TPH2: variants seen among roughly 807,000 people sequenced by gnomAD.
TPH2 encodes the protein tryptophan 5-hydroxylase 2.
Under a neutral mutation model 59.1 loss-of-function variants are expected in TPH2, and 27 were observed. The ratio of observed to expected loss-of-function variants is 0.46; its 90% CI spans 0.34 to 0.63. TPH2 has a LOEUF of 0.63. Ranked by LOEUF, TPH2 falls within the 30% of genes least tolerant of loss-of-function variation. TPH2 has a pLI of 0.01. For missense variants in TPH2, 523 were observed against 588.3 expected (o/e 0.89, Z 1.15); for synonymous variants, 220 against 210.5 (o/e 1.05, Z -0.39).
intron 8 of TPH2, among the ~76,000 whole-genome samples, chr12:71,996,666 G>A (rs1449508501): frequency 6.6e-6 from 1 of 151,662 alleles, no homozygotes; most frequent in African/African-American, 2.4e-5. Flanking sequence ...TGGAGCTGAT[G>A]TGTGTGTGTG....
At chr12:71,985,618 C>T (rs1456576020) in intron 7 of TPH2, among the ~76,000 whole-genome samples, 3 of 152,064 alleles carry the variant, frequency 2.0e-5, no homozygotes, top group Non-Finnish European at 2.9e-5. Context: ...AGGCTGGTCT[C>T]GAACTCCTGA....
In TPH2 at chr12:72,022,581, A is replaced by G. The variant is rs1193131592; in HGVS notation, c.1164+87A>G. Reference sequence around the variant, plus strand: ...TTGATTTGTTTGTCTGAGCATTTCTACTCACAGATACTCCATAAATATTTA... The same window carrying G: ...TTGATTTGTTTGTCTGAGCATTTCTGCTCACAGATACTCCATAAATATTTA... On this transcript the variant is annotated intron_variant, in intron 9 of 10. Coordinates refer to ENST00000333850, the MANE Select transcript of TPH2 (RefSeq NM_173353.4). The G allele has an allele frequency of 9.0e-6, 9 of 1,001,646 alleles. No homozygotes were observed. In the Admixed American group the frequency reaches 1.4e-4, roughly 16 times the overall value. The allele number at this position is 1,001,646 out of a possible 1,614,324, so 62.0% of individuals were successfully genotyped here. A position where few individuals can be genotyped will look rare whatever the true frequency, so the allele number is the denominator to read the frequency against.
chr12:72,027,560 A>G (rs995455403), intron 9 of TPH2, among the ~76,000 whole-genome samples: 1 of 152,226 alleles, frequency 6.6e-6, no homozygotes, highest in Non-Finnish European at 1.5e-5. Context: ...TCAAACCTCA[A>G]TTCTTAACTG....
rs1390723294 is a variant in TPH2, at chr12:71,938,921, CCGCCAG to C, written c.-62_-57del. The C allele has an allele frequency of 5.1e-6, 7 of 1,385,744 alleles. No individual in the cohort carries two copies. The highest frequency in any genetic ancestry group is 7.2e-6 in the Non-Finnish European group (7 of 975,648). The allele number at this position is 1,385,744 out of a possible 1,614,324, so 85.8% of individuals were successfully genotyped here. On this transcript the variant is annotated 5_prime_UTR_variant, in exon 1 of 11. Coordinates refer to ENST00000333850, the MANE Select transcript of TPH2 (RefSeq NM_173353.4). ...ATCGCACGCCCCTTCCTCTCAATCT[CCGCCAG>C]CGCTGCTACTGCCCCTCTAGTACCC...
chr12:71,973,405 A>T (rs1302314512), intron 6 of TPH2, among the ~76,000 whole-genome samples: 1 of 152,212 alleles, frequency 6.6e-6, no homozygotes, highest in Non-Finnish European at 1.5e-5. Context: ...TACACTAATC[A>T]TAAGGCATTG....
At chr12:71,988,532 T>C (rs1035207334) in intron 7 of TPH2, among the ~76,000 whole-genome samples, 1 of 152,108 alleles carries the variant, frequency 6.6e-6, no homozygotes, top group African/African-American at 2.4e-5. Flanking sequence ...CACACACTTT[T>C]AAACGACCAG....
rs189348311 is a variant in TPH2 at position 72,015,894 on chromosome 12, A to G, written c.1069-6505A>G. ...TGGGGCAGTGTCAGTGGCTGGGGTC[A>G]TGGGGAGCATAAGGTGATAGCTACT... On this transcript the variant is annotated intron_variant, in intron 8 of 10. Coordinates refer to ENST00000333850, the MANE Select transcript of TPH2 (RefSeq NM_173353.4). Among the ~76,000 whole-genome samples, 9 of 152,296 alleles carry G rather than the reference A, an allele frequency of 5.9e-5. No individual in the cohort carries two copies. In the East Asian group the frequency reaches 1.7e-3, roughly 29 times the overall value.
chr12:71,957,072 C>T (rs146268414), intron 5 of TPH2, among the ~76,000 whole-genome samples: 161 of 152,218 alleles, frequency 1.1e-3, no homozygotes, highest in Middle Eastern at 3.4e-3. Context: ...TTTGAATTCC[C>T]GCTCTACCAC....
At chr12:72,029,072 T>TG (rs1246849377) in intron 9 of TPH2, among the ~76,000 whole-genome samples, 1 of 152,230 alleles carries the variant, frequency 6.6e-6, no homozygotes, top group African/African-American at 2.4e-5. Flanking sequence ...TTTCAGTCTC[T>TG]GTCATTGCAT....
At chr12:72,013,571 A>C (rs1245088158) in intron 8 of TPH2, among the ~76,000 whole-genome samples, 1 of 152,192 alleles carries the variant, frequency 6.6e-6, no homozygotes, top group African/African-American at 2.4e-5. Flanking sequence ...ATTTGACACA[A>C]GCTTCATATT....
At chr12:72,006,899 A>G (rs948402036) in intron 8 of TPH2, among the ~76,000 whole-genome samples, 1 of 152,132 alleles carries the variant, frequency 6.6e-6, no homozygotes, top group African/African-American at 2.4e-5. Flanking sequence ...GAAGCTGCTT[A>G]GCACAGTGCT....
intron 2 of TPH2, among the ~76,000 whole-genome samples, chr12:71,943,602 G>A (rs1871129380): frequency 6.6e-6 from 1 of 152,070 alleles, no homozygotes; most frequent in Non-Finnish European, 1.5e-5. Context: ...CCATTTAGGG[G>A]TTATTATCAT....
intron 5 of TPH2, among the ~76,000 whole-genome samples, chr12:71,966,654 C>G: frequency 6.6e-6 from 1 of 152,162 alleles, no homozygotes; most frequent in East Asian, 1.9e-4. Context: ...CACCCATTCC[C>G]TTACCCAATT....
At position 71,997,812 on chromosome 12, in the gene TPH2, C is replaced by G. The variant is rs538681935; in HGVS notation, c.1068+3247C>G. Among the ~76,000 whole-genome samples, 5 of 152,144 alleles carry G rather than the reference C, an allele frequency of 3.3e-5. No individual in the cohort carries two copies. The East Asian group carries it at 7.7e-4, about 24-fold the overall frequency. On this transcript the variant is annotated intron_variant, in intron 8 of 10. Transcript: ENST00000333850. ...TTCAAGAAAGTCACAGTCTAGTACC[C>G]CAAAATACAAAAAACCCAGAGTCAG...
At chr12:72,018,880 G>A (rs1873333698) in intron 8 of TPH2, among the ~76,000 whole-genome samples, 1 of 152,112 alleles carries the variant, frequency 6.6e-6, no homozygotes, top group African/African-American at 2.4e-5. Flanking sequence ...TTGATGTCAA[G>A]CTCCTTAAAA....
intron 7 of TPH2, among the ~76,000 whole-genome samples, chr12:71,985,566 T>G (rs1330962402): frequency 6.6e-6 from 1 of 151,990 alleles, no homozygotes; most frequent in African/African-American, 2.4e-5. Flanking sequence ...GTCTGGCTAA[T>G]TTTTGTATTT....
At chr12:71,962,404 C>A in intron 5 of TPH2, 1 of 985,418 alleles carries the variant, frequency 1.0e-6, no homozygotes. Flanking sequence ...ATGCTGCTTT[C>A]TTTCCTGGTG....
intron 6 of TPH2, among the ~76,000 whole-genome samples, chr12:71,976,486 T>C (rs1448114438): frequency 6.6e-6 from 1 of 152,216 alleles, no homozygotes; most frequent in Non-Finnish European, 1.5e-5. Context: ...CATGGTTTTA[T>C]ATTTTTTCTA....
intron 8 of TPH2, among the ~76,000 whole-genome samples, chr12:72,005,874 A>G (rs944157420): frequency 1.3e-5 from 2 of 152,130 alleles, no homozygotes; most frequent in Non-Finnish European, 2.9e-5. Context: ...CCCATTAGTG[A>G]GAGCTATTTT....
Sources: allele counts gnomAD v4.1 joint callset (sites outside exome capture counted in the v4.1 genomes callset), GRCh38; gene constraint gnomAD v4.1.1; transcripts MANE v1.5; gene names NCBI Gene and HGNC (gene_info 2026-07-23, HGNC 2026-07-21).